Variants in RIPOR2 observed in about 807,000 individuals in gnomAD.
RIPOR2 encodes rho family-interacting cell polarization regulator 2.
RIPOR2 carries 39 observed loss-of-function variants against 114.5 expected under a neutral mutation model. The observed-to-expected ratio is 0.34, with a 90% CI of 0.26 to 0.44. The LOEUF is 0.44. Among genes scored for constraint, RIPOR2 ranks in the 20% least tolerant of loss-of-function variants. RIPOR2 has a pLI of 1.00. For synonymous variants in RIPOR2, 445 were observed against 484.4 expected (o/e 0.92, Z 1.07); for missense variants, 1,007 against 1,255.1 (o/e 0.80, Z 2.99).
At chr6:24,970,305 C>T (rs1289317726) in intron 1 of RIPOR2, among the ~76,000 whole-genome samples, 1 of 152,166 alleles carries the variant, frequency 6.6e-6, no homozygotes, top group East Asian at 1.9e-4. Flanking sequence ...CTCTATACCA[C>T]CCAATGATAA....
At chr6:24,913,212 C>T (rs1769811660) in intron 1 of RIPOR2, among the ~76,000 whole-genome samples, 1 of 151,854 alleles carries the variant, frequency 6.6e-6, no homozygotes. Flanking sequence ...CAGAAAGAAG[C>T]ATGGAGTGGC....
chr6:24,944,131 C>T (rs432593), intron 1 of RIPOR2, among the ~76,000 whole-genome samples: 26,416 of 152,084 alleles, frequency 0.17, 2,467 homozygotes, highest in East Asian at 0.34. Flanking sequence ...TATAGGGCTA[C>T]GTGCATGCCC....
chr6:24,857,432 A>G (rs1269774627), intron 8 of RIPOR2, among the ~76,000 whole-genome samples: 1 of 152,132 alleles, frequency 6.6e-6, no homozygotes, highest in Non-Finnish European at 1.5e-5. Context: ...CGGCGCTCAC[A>G]TATTACTGAT....
intron 14 of RIPOR2, chr6:24,836,125 T>G (rs1187140765): frequency 2.2e-6 from 1 of 464,036 alleles, no homozygotes; most frequent in African/African-American, 1.9e-5. Flanking sequence ...GAACCACTTA[T>G]GAAGTAGTTT....
intron 15 of RIPOR2, 92 bp from the exon 16 acceptor site, chr6:24,832,483 T>C: frequency 8.8e-6 from 10 of 1,142,332 alleles, no homozygotes; most frequent in Non-Finnish European, 1.3e-5. Context: ...GTGGTGATGA[T>C]ACTAAATAAA....
rs544866981 is a variant in RIPOR2 at position 24,819,653 on chromosome 6, G to A, written c.2869-1028C>T. Among the ~76,000 whole-genome samples, 6 of 75,534 alleles carry A rather than the reference G, an allele frequency of 7.9e-5. No homozygotes were observed. In the South Asian group the frequency reaches 2.8e-3, roughly 35 times the overall value. The allele number at this position is 75,534 out of a possible 152,430, so 49.6% of individuals were successfully genotyped here. A position where few individuals can be genotyped will look rare whatever the true frequency, so the allele number is the denominator to read the frequency against. Reference sequence around the variant, plus strand: ...CTCGATTACAGGTGCCCACCACCACGCCCAGCTAATTTTTTTTTTTTTTTT... The same window carrying A: ...CTCGATTACAGGTGCCCACCACCACACCCAGCTAATTTTTTTTTTTTTTTT... On this transcript the variant is annotated intron_variant, in intron 19 of 21. Transcript: ENST00000643898.
At position 24,805,759 on chromosome 6, in the gene RIPOR2, G is replaced by A. The variant is rs575960461; in HGVS notation, c.*614C>T. 2 of 152,168 alleles carry A rather than the reference G, an allele frequency of 1.3e-5. No homozygotes were observed. Among genetic ancestry groups the A allele is most frequent in the East Asian group, 3.9e-4 (2 of 5,180 alleles). 9.4% of individuals were successfully genotyped at this position (152,168 alleles called of 1,614,324 possible). ...AGAGAAACTTGCAAAAAAGTACAAA[G>A]ATGGCTATTTTTAAATTTCATACAT... On this transcript the variant is annotated 3_prime_UTR_variant, in exon 22 of 22. Coordinates refer to ENST00000643898, the MANE Select transcript of RIPOR2 (RefSeq NM_001286445.3).
intron 8 of RIPOR2, among the ~76,000 whole-genome samples, chr6:24,857,900 T>C (rs73398433): frequency 0.024 from 3,726 of 152,330 alleles, 75 homozygotes; most frequent in African/African-American, 0.052. Context: ...TGGATTTTTA[T>C]AGTCAGGACC....
chr6:24,976,214 A>G (rs545296401), intron 1 of RIPOR2, among the ~76,000 whole-genome samples: 46 of 152,358 alleles, frequency 3.0e-4, no homozygotes, highest in Non-Finnish European at 4.4e-4. Flanking sequence ...GGCATTATTT[A>G]TAATGACAAA....
At chr6:24,893,788 A>C (rs1167840054) in intron 1 of RIPOR2, among the ~76,000 whole-genome samples, 2 of 152,156 alleles carry the variant, frequency 1.3e-5, no homozygotes, top group East Asian at 3.8e-4. Flanking sequence ...GGAACCTTAG[A>C]TTTTGCCTCT....
chr6:24,961,858 C>T (rs531617038), intron 1 of RIPOR2, among the ~76,000 whole-genome samples: 1 of 152,224 alleles, frequency 6.6e-6, no homozygotes, highest in African/African-American at 2.4e-5. Flanking sequence ...AACTCCTGAC[C>T]TCAGGTAATC....
rs546169756 is a variant in RIPOR2, at chr6:24,990,929, G to A, written c.76+50922C>T. Among the ~76,000 whole-genome samples, 4 of 152,326 alleles carry A rather than the reference G, an allele frequency of 2.6e-5. No homozygotes were observed. The South Asian group carries it at 6.2e-4, about 24-fold the overall frequency. ...AATAAAATCAAAATGCTCAGGATAC[G>A]TAAAATATGCATGCGCACTCAATGT... On this transcript the variant is annotated intron_variant, in intron 1 of 13. Transcript: ENST00000510784.
rs566602187 is a variant in RIPOR2 at position 24,861,212 on chromosome 6, G to A, written c.652-176C>T. 1.2e-4 allele frequency among the ~76,000 whole-genome samples: 18 copies of A among 152,284 alleles called. 2 individuals carry two copies. In the South Asian group the frequency reaches 3.5e-3, roughly 30 times the overall value. Reference sequence around the variant, plus strand: ...GACAAAATGTTTGATCTGAGTCTAAGCCCACCTTTTAGTGTACAGGAAATT... The same window carrying A: ...GACAAAATGTTTGATCTGAGTCTAAACCCACCTTTTAGTGTACAGGAAATT... On this transcript the variant is annotated intron_variant, in intron 7 of 21. Coordinates refer to ENST00000643898, the MANE Select transcript of RIPOR2 (RefSeq NM_001286445.3).
rs554563154 is a variant in RIPOR2 at position 24,835,631 on chromosome 6, A to G, written c.2208+72T>C. ...GAATTCTCATTTCCCTGGCAACACT[A>G]AAAAATGAAAGCACACTTCCTGGTA... On this transcript the variant is annotated intron_variant, in intron 15 of 21. Transcript: ENST00000643898. 28 of 1,449,432 alleles carry G rather than the reference A, an allele frequency of 1.9e-5. No homozygotes were observed. The East Asian group carries it at 6.7e-4, about 35-fold the overall frequency. 89.8% of individuals were successfully genotyped at this position (1,449,432 alleles called of 1,614,324 possible). A position where few individuals can be genotyped will look rare whatever the true frequency, so the allele number is the denominator to read the frequency against.
At chr6:25,023,031 A>G (rs566013068) in intron 1 of RIPOR2, among the ~76,000 whole-genome samples, 1 of 151,838 alleles carries the variant, frequency 6.6e-6, no homozygotes, top group South Asian at 2.1e-4. Context: ...TTTAATTGTC[A>G]TTTAATAGCT....
chr6:24,888,275 GC>G (rs989839624), intron 1 of RIPOR2, among the ~76,000 whole-genome samples: 1 of 152,020 alleles, frequency 6.6e-6, no homozygotes, highest in African/African-American at 2.4e-5. Context: ...GAAGAAAATG[GC>G]CCCATTCCTG....
chr6:24,877,963 A>C (rs1256565475), intron 1 of RIPOR2, among the ~76,000 whole-genome samples: 3 of 152,204 alleles, frequency 2.0e-5, no homozygotes, highest in African/African-American at 7.2e-5. Context: ...GCAGGTGACC[A>C]GGGGTGACTC....
chr6:24,832,516 G>T, intron 15 of RIPOR2, 125 bp from the exon 16 acceptor site: 1 of 805,338 alleles, frequency 1.2e-6, no homozygotes, highest in Non-Finnish European at 2.0e-6. Flanking sequence ...TTTTCTTCCA[G>T]CTCGATAATG....
At chr6:24,926,524 G>C (rs776711978) in intron 1 of RIPOR2, among the ~76,000 whole-genome samples, 1 of 152,204 alleles carries the variant, frequency 6.6e-6, no homozygotes, top group Non-Finnish European at 1.5e-5. Context: ...TCACATGGTG[G>C]AGATCAGATA....
Sources: allele counts gnomAD v4.1 joint callset (sites outside exome capture counted in the v4.1 genomes callset), GRCh38; gene constraint gnomAD v4.1.1; transcripts MANE v1.5; gene names NCBI Gene and HGNC (gene_info 2026-07-23, HGNC 2026-07-21).